Variants in TOMM20L observed in about 807,000 individuals in gnomAD.
TOMM20L encodes TOMM20-like protein 1.
Under a neutral mutation model 20.4 loss-of-function variants are expected in TOMM20L, and 19 were observed. That is an observed-to-expected ratio of 0.93 (90% CI 0.65 to 1.36). TOMM20L has a LOEUF of 1.36. TOMM20L is among the 40% of genes most tolerant of loss of function. The pLI, the probability that TOMM20L is intolerant of heterozygous loss-of-function variation, is 0.00. For synonymous variants in TOMM20L, 75 were observed against 79.6 expected (o/e 0.94, Z 0.30); for missense variants, 218 against 203.7 (o/e 1.07, Z -0.43).
chr14:58,410,828 T>A, downstream of TOMM20L: 1 of 1,577,922 alleles, frequency 6.3e-7, no homozygotes, highest in South Asian at 1.1e-5. Context: ...TTTTAGTGAG[T>A]AACACTTTTC....
chr14:58,409,927 A>G (rs147817538), downstream of TOMM20L, among the ~76,000 whole-genome samples: 959 of 152,094 alleles, frequency 6.3e-3, 8 homozygotes, highest in South Asian at 0.037. Context: ...CCCAGGGTGG[A>G]GTGCAGTGCC....
At chr14:58,396,490 C>T in intron 2 of TOMM20L, 149 bp downstream of exon 2, 2 of 780,826 alleles carry the variant, frequency 2.6e-6, no homozygotes, top group Non-Finnish European at 4.2e-6. Context: ...CGCCACGCAC[C>T]GCCTCAGGCC....
chr14:58,415,521 T>C, the TOMM20L span, among the ~76,000 whole-genome samples: 2 of 151,878 alleles, frequency 1.3e-5, no homozygotes, highest in Admixed American at 6.6e-5. Flanking sequence ...ATAGAAGATA[T>C]CAAGACCCAA....
At position 58,408,658 on chromosome 14, in the gene TOMM20L, T is replaced by A; in HGVS notation, c.*76T>A. 2.2e-6 allele frequency: 3 copies of A among 1,389,042 alleles called. No individual in the cohort carries two copies. Among genetic ancestry groups the A allele is most frequent in the Non-Finnish European group, 3.0e-6 (3 of 1,012,468 alleles). 86.0% of individuals were successfully genotyped at this position (1,389,042 alleles called of 1,614,324 possible). On this transcript the variant is annotated 3_prime_UTR_variant, in exon 5 of 5. Coordinates refer to ENST00000360945, the MANE Select transcript of TOMM20L (RefSeq NM_207377.3). ...AGTATAAACAACTGCTCAGTGATATTTCCATTTATTTTACTTTGAGTAATA... is the reference window on the plus strand; with the variant it reads ...AGTATAAACAACTGCTCAGTGATATATCCATTTATTTTACTTTGAGTAATA...
intron 3 of TOMM20L, among the ~76,000 whole-genome samples, chr14:58,404,099 G>GTGTGTGTGTATATA (rs1408980666): frequency 4.4e-5 from 1 of 22,926 alleles, no homozygotes; most frequent in African/African-American, 1.3e-4. Context: ...ACATATATAT[G>GTGTGTGTGTATATA]TATATATATA....
In TOMM20L at chr14:58,400,606, G is replaced by A. The variant is rs79244447; in HGVS notation, c.181-2074G>A. Among the ~76,000 whole-genome samples, 369 of 151,812 alleles carry A rather than the reference G, an allele frequency of 2.4e-3. 4 individuals carry two copies. The East Asian group carries it at 0.042, about 17-fold the overall frequency. On this transcript the variant is annotated intron_variant, in intron 2 of 4. Transcript: ENST00000360945. Reference sequence around the variant, plus strand: ...CTACATTTACCCTATTATGGCCGGCGCGGTGGCTCAGGCCTGTAATCCCAG... The same window carrying A: ...CTACATTTACCCTATTATGGCCGGCACGGTGGCTCAGGCCTGTAATCCCAG...
At chr14:58,408,906 C>A, downstream of TOMM20L, 1 of 1,386,032 alleles carries the variant, frequency 7.2e-7, no homozygotes, top group South Asian at 1.5e-5. Flanking sequence ...TTCCATTTGC[C>A]AAACAGTCAT....
At chr14:58,414,008 GAAAAAAAAAAAAAAA>G in the TOMM20L span, among the ~76,000 whole-genome samples, 26 of 24,180 alleles carry the variant, frequency 1.1e-3, 2 homozygotes, top group East Asian at 8.3e-3. Context: ...TTCCGTCTCA[GAAAAAAAAAAAAAAA>G]AAAAAAAAAA....
chr14:58,397,608 G>A (rs2140299190), intron 2 of TOMM20L, among the ~76,000 whole-genome samples: 1 of 152,328 alleles, frequency 6.6e-6, no homozygotes, highest in East Asian at 1.9e-4. Flanking sequence ...GGAACAGCAT[G>A]TGCATAAAGA....
chr14:58,398,260 G>GT (rs1674746267), intron 2 of TOMM20L, among the ~76,000 whole-genome samples: 1 of 152,206 alleles, frequency 6.6e-6, no homozygotes, highest in African/African-American at 2.4e-5. Flanking sequence ...GGCAGACTTT[G>GT]TTTTTTACTC....
At chr14:58,402,290 CCTTT>C (rs1378928934) in intron 2 of TOMM20L, among the ~76,000 whole-genome samples, 1 of 147,444 alleles carries the variant, frequency 6.8e-6, no homozygotes, top group African/African-American at 2.5e-5. Context: ...TTTTTTTTTT[CCTTT>C]CTTTCTTTTT....
At chr14:58,405,804 C>G (rs1363156287) in intron 3 of TOMM20L, among the ~76,000 whole-genome samples, 1 of 152,190 alleles carries the variant, frequency 6.6e-6, no homozygotes, top group Admixed American at 6.5e-5. Flanking sequence ...ACACCCACCC[C>G]CCTAATAGTT....
At chr14:58,399,890 A>ATATG (rs1240404285) in intron 2 of TOMM20L, among the ~76,000 whole-genome samples, 14 of 100,074 alleles carry the variant, frequency 1.4e-4, no homozygotes, top group African/African-American at 5.2e-4. Context: ...TATTGCATAT[A>ATATG]TATATATATA....
intron 3 of TOMM20L, among the ~76,000 whole-genome samples, chr14:58,404,345 G>A (rs1407173082): frequency 2.0e-5 from 3 of 148,548 alleles, no homozygotes; most frequent in Admixed American, 6.8e-5. Context: ...TAGCCGGGAT[G>A]GTCTCGATCT....
chr14:58,413,208 G>T (rs1264957117), downstream of TOMM20L, among the ~76,000 whole-genome samples: 1 of 151,822 alleles, frequency 6.6e-6, no homozygotes, highest in Non-Finnish European at 1.5e-5. Flanking sequence ...GAAATACTTG[G>T]CCTATATTTA....
chr14:58,398,831 AAGC>A (rs2035957090), intron 2 of TOMM20L: 1 of 152,074 alleles, frequency 6.6e-6, no homozygotes, highest in African/African-American at 2.4e-5. Context: ...TCAAGTGAAG[AAGC>A]AGCACAAGCA....
chr14:58,408,152 C>A (rs1234308886), intron 4 of TOMM20L, among the ~76,000 whole-genome samples: 3 of 152,162 alleles, frequency 2.0e-5, no homozygotes, highest in Non-Finnish European at 4.4e-5. Context: ...CGCGGTGGCT[C>A]ACGCCTGTAA....
chr14:58,401,114 C>T (rs903469928), intron 2 of TOMM20L, among the ~76,000 whole-genome samples: 4 of 152,206 alleles, frequency 2.6e-5, no homozygotes, highest in African/African-American at 7.2e-5. Flanking sequence ...ATCACTTTCC[C>T]TTTATTAGAC....
downstream of TOMM20L, chr14:58,412,207 A>C (rs370252022): frequency 4.4e-5 from 16 of 364,570 alleles, 1 homozygote; most frequent in South Asian, 2.8e-4. Flanking sequence ...CAGTGGCGCC[A>C]TCTTGGCTCA....
Sources: gnomAD v4.1 joint callset for allele counts (sites outside exome capture counted in the v4.1 genomes callset) on GRCh38, gnomAD v4.1.1 for gene constraint, MANE v1.5 for transcripts, NCBI Gene and HGNC (gene_info 2026-07-23, HGNC 2026-07-21) for gene names.